Variants in GALNT9 observed in about 807,000 individuals in gnomAD.
GALNT9 encodes the protein polypeptide N-acetylgalactosaminyltransferase 9.
A neutral mutation model predicts 63.1 loss-of-function variants in GALNT9; 47 were observed. That is an observed-to-expected ratio of 0.75 (90% CI 0.59 to 0.95). The LOEUF (loss-of-function observed/expected upper bound fraction) is 0.95, where lower values mean the gene tolerates loss of function less well. Among genes scored for constraint, GALNT9 ranks in the 40% least tolerant of loss-of-function variants. The pLI, the probability that GALNT9 is intolerant of heterozygous loss-of-function variation, is 0.00. For missense variants in GALNT9, 829 were observed against 874.8 expected (o/e 0.95, Z 0.66); for synonymous variants, 396 against 365.7 (o/e 1.08, Z -0.94).
At chr12:132,269,288 C>T (rs530220899) in intron 2 of GALNT9, among the ~76,000 whole-genome samples, 9 of 152,008 alleles carry the variant, frequency 5.9e-5, no homozygotes, top group African/African-American at 1.4e-4. Context: ...GAGGACTCGT[C>T]GAGTGTGATT....
chr12:132,241,196 A>AT (rs1878319063), intron 6 of GALNT9, among the ~76,000 whole-genome samples: 1 of 115,140 alleles, frequency 8.7e-6, no homozygotes, highest in Non-Finnish European at 1.8e-5. Flanking sequence ...CCCTATCCCC[A>AT]TTACACACAC....
intron 6 of GALNT9, among the ~76,000 whole-genome samples, chr12:132,227,962 G>A (rs1877758874): frequency 6.6e-6 from 1 of 152,138 alleles, no homozygotes; most frequent in Non-Finnish European, 1.5e-5. Flanking sequence ...TGGAGGCCTG[G>A]TTGACCTGCT....
At chr12:132,313,803 C>T (rs1359463066) in intron 1 of GALNT9, among the ~76,000 whole-genome samples, 14 of 125,754 alleles carry the variant, frequency 1.1e-4, no homozygotes, top group Non-Finnish European at 2.2e-4. Context: ...TCCACCCACC[C>T]ATCCACCCAT....
intron 6 of GALNT9, among the ~76,000 whole-genome samples, chr12:132,226,827 A>G (rs1162707797): frequency 7.1e-6 from 1 of 141,782 alleles, no homozygotes; most frequent in Non-Finnish European, 1.5e-5. Flanking sequence ...CCATAAACAC[A>G]CCCCACACAC....
chr12:132,317,469 T>C (rs1868568198), intron 1 of GALNT9, among the ~76,000 whole-genome samples: 1 of 152,184 alleles, frequency 6.6e-6, no homozygotes, highest in Non-Finnish European at 1.5e-5. Flanking sequence ...GGTCAGCTCC[T>C]CTCCAGGGCC....
chr12:132,247,794 A>C (rs375292596), intron 6 of GALNT9, 116 bp downstream of exon 6: 1 of 1,209,250 alleles, frequency 8.3e-7, no homozygotes, highest in Non-Finnish European at 1.1e-6. Context: ...CGCTGCAGCC[A>C]CACTCGCCCT....
chr12:132,261,264 G>A (rs1356089035), intron 3 of GALNT9, 142 bp from the exon 4 acceptor site: 1 of 1,323,956 alleles, frequency 7.6e-7, no homozygotes, highest in Non-Finnish European at 1.0e-6. Context: ...ACCACATGTG[G>A]TTCAGCGTGG....
rs117395751 is a variant in GALNT9 at position 132,200,229 on chromosome 12, C to T, written c.1401+895G>A. 2.8e-3 allele frequency among the ~76,000 whole-genome samples: 424 copies of T among 152,316 alleles called. 7 individuals are homozygous for T. In the South Asian group the frequency reaches 0.04, roughly 15 times the overall value. ...CAGGGACCCTTTTCCTTGCCCCATC[C>T]GAGTGCCAGCTCAGGGCTGGGACGC... On this transcript the variant is annotated intron_variant, in intron 8 of 10. Transcript: ENST00000328957.
chr12:132,243,881 A>C (rs1423347363), intron 6 of GALNT9, among the ~76,000 whole-genome samples: 4 of 152,144 alleles, frequency 2.6e-5, no homozygotes, highest in Non-Finnish European at 5.9e-5. Flanking sequence ...GTCTCTTGCC[A>C]GCTTTGCATC....
In GALNT9 at chr12:132,316,504, G is replaced by C. The variant is rs1195921845; in HGVS notation, c.238+12462C>G. 1.3e-5 allele frequency among the ~76,000 whole-genome samples: 2 copies of C among 152,076 alleles called. No individual in the cohort carries two copies. Among genetic ancestry groups the C allele is most frequent in the Admixed American group, 6.5e-5 (1 of 15,270 alleles). On this transcript the variant is annotated intron_variant, in intron 1 of 10. Coordinates refer to ENST00000328957, the MANE Select transcript of GALNT9 (RefSeq NM_001122636.2). The surrounding 1 kb of genome is among the most constrained non-coding windows in gnomAD (Gnocchi z 4.3). ...GCTTCCTTCCTCCCTGGGAAACGGA[G>C]AATCAGGAGCACCCGAGCTTCCCAC...
chr12:132,240,178 T>C (rs1308262820), intron 6 of GALNT9, among the ~76,000 whole-genome samples: 1 of 152,176 alleles, frequency 6.6e-6, no homozygotes, highest in African/African-American at 2.4e-5. Context: ...GGACGTTGCT[T>C]GAGAGGAATC....
intron 5 of GALNT9, among the ~76,000 whole-genome samples, chr12:132,249,979 T>C (rs1021121060): frequency 6.6e-6 from 1 of 151,860 alleles, no homozygotes; most frequent in East Asian, 1.9e-4. Context: ...CCTCCAGTTC[T>C]CAGCTTCCGG....
chr12:132,292,570 C>T (rs1880901861), intron 1 of GALNT9, among the ~76,000 whole-genome samples: 1 of 152,224 alleles, frequency 6.6e-6, no homozygotes, highest in African/African-American at 2.4e-5. Context: ...GCCCAAACCC[C>T]TGGCCCCGGC....
At chr12:132,306,865 T>C (rs1447361321) in intron 1 of GALNT9, among the ~76,000 whole-genome samples, 1 of 152,188 alleles carries the variant, frequency 6.6e-6, no homozygotes, top group Non-Finnish European at 1.5e-5. Context: ...GAATCGTCAT[T>C]TGAAGTTCCT....
At position 132,271,493 on chromosome 12, in the gene GALNT9, C is replaced by T. The variant is rs1879864645; in HGVS notation, c.420-8868G>A. ...TTAAAACAATGAAGCCAGGACAGAT[C>T]CACCAAGCCTCCCTCCGACGCCCAC... is the stretch of plus-strand genomic sequence containing the variant. On this transcript the variant is annotated intron_variant, in intron 2 of 10. Coordinates refer to ENST00000328957, the MANE Select transcript of GALNT9 (RefSeq NM_001122636.2). Among the ~76,000 whole-genome samples, 2 of 152,188 alleles carry T rather than the reference C, an allele frequency of 1.3e-5. 1 individual carries two copies. The highest frequency in any genetic ancestry group is 4.1e-4 in the South Asian group (2 of 4,828).
chr12:132,278,359 A>G (rs1269665302), intron 2 of GALNT9: 6 of 152,176 alleles, frequency 3.9e-5, no homozygotes, highest in Non-Finnish European at 8.8e-5. Context: ...GGACTTAAAA[A>G]CAGCACAGCA....
Position 132,282,557 on chromosome 12 carries a change from C to T in GALNT9, c.419+3693G>A, listed in dbSNP as rs890919667. ...CAGACACTGGCCCCTTCTTGGGTTT[C>T]GTGAGGGACCCTGGAAGCTCCAAGC... On this transcript the variant is annotated intron_variant, in intron 2 of 10. Coordinates refer to ENST00000328957, the MANE Select transcript of GALNT9 (RefSeq NM_001122636.2). The surrounding 1 kb of genome is among the most constrained non-coding windows in gnomAD (Gnocchi z 4.5). Among the ~76,000 whole-genome samples, 3 of 152,052 alleles carry T rather than the reference C, an allele frequency of 2.0e-5. No individual in the cohort carries two copies. Among genetic ancestry groups the T allele is most frequent in the Non-Finnish European group, 4.4e-5 (3 of 68,016 alleles).
chr12:132,253,994 A>G (rs1470808206), intron 5 of GALNT9, among the ~76,000 whole-genome samples: 3 of 151,690 alleles, frequency 2.0e-5, no homozygotes, highest in Non-Finnish European at 4.4e-5. Context: ...CCCCTGCTGT[A>G]CATCCTTGAA....
At chr12:132,325,170 C>T (rs577956954) in intron 1 of GALNT9, among the ~76,000 whole-genome samples, 47 of 152,370 alleles carry the variant, frequency 3.1e-4, no homozygotes, top group African/African-American at 1.1e-3. Flanking sequence ...GCTGGAGTCT[C>T]CAGGCTGTTC....
Sources: allele counts gnomAD v4.1 joint callset (sites outside exome capture counted in the v4.1 genomes callset), GRCh38; gene constraint gnomAD v4.1.1; non-coding constraint Gnocchi (gnomAD v3.1); transcripts MANE v1.5; gene names NCBI Gene and HGNC (gene_info 2026-07-23, HGNC 2026-07-21).